ABHD3: variants seen among roughly 807,000 people sequenced by gnomAD.
ABHD3 encodes phospholipase ABHD3.
ABHD3 carries 46 observed loss-of-function variants against 48.8 expected under a neutral mutation model. The observed-to-expected ratio is 0.94, with a 90% CI of 0.74 to 1.20. ABHD3 has a LOEUF of 1.20. ABHD3 is among the 50% of genes most tolerant of loss of function. The pLI is 0.00. For synonymous variants in ABHD3, 192 were observed against 183.7 expected (o/e 1.04, Z -0.36); for missense variants, 490 against 497.8 (o/e 0.98, Z 0.15).
chr18:21,683,868 CTAGAA>C, intron 4 of ABHD3, 47 bp downstream of exon 4: 1 of 1,479,802 alleles, frequency 6.8e-7, no homozygotes. Flanking sequence ...TGTTATAAAA[CTAGAA>C]ATGATTCTTT....
chr18:21,704,774 T>G lies in ABHD3; in HGVS notation c.-109A>C. On this transcript the variant is annotated 5_prime_UTR_variant, in exon 1 of 9. Transcript: ENST00000289119. ...CGCCGCTGCCTACTCCCGACCACAG[T>G]GTCTCCTGCCTGGCGGAGCGCGGCT... The G allele has an allele frequency of 3.8e-6, 4 of 1,042,318 alleles. No homozygotes were observed. The highest frequency in any genetic ancestry group is 3.7e-6 in the Non-Finnish European group (3 of 810,054). 64.6% of individuals were successfully genotyped at this position (1,042,318 alleles called of 1,614,324 possible).
chr18:21,701,631 A>C (rs1169154210), intron 3 of ABHD3: 2 of 152,264 alleles, frequency 1.3e-5, no homozygotes, highest in African/African-American at 4.8e-5. Flanking sequence ...ATCAGCTAAA[A>C]AAAAAAGCTG....
intron 4 of ABHD3, among the ~76,000 whole-genome samples, chr18:21,667,591 C>T (rs886423587): frequency 2.6e-5 from 4 of 152,078 alleles, no homozygotes; most frequent in Admixed American, 2.0e-4. Flanking sequence ...CCCTAAAACA[C>T]AGCCTATTCC....
chr18:21,657,560 G>C (rs1181620105), intron 6 of ABHD3, among the ~76,000 whole-genome samples: 1 of 151,564 alleles, frequency 6.6e-6, no homozygotes, highest in Non-Finnish European at 1.5e-5. Flanking sequence ...ATGTCACCCA[G>C]GCTGGTCTCA....
At chr18:21,697,128 T>C (rs1598562182) in intron 3 of ABHD3, among the ~76,000 whole-genome samples, 2 of 148,628 alleles carry the variant, frequency 1.3e-5, no homozygotes, top group African/African-American at 2.5e-5. Context: ...CTGGCTGGAG[T>C]GCAGTGGTGC....
intron 4 of ABHD3, among the ~76,000 whole-genome samples, chr18:21,680,983 C>G (rs1715665531): frequency 6.6e-6 from 1 of 151,962 alleles, no homozygotes; most frequent in Non-Finnish European, 1.5e-5. Context: ...CCACCTGGGC[C>G]TCCCAAAGTG....
intron 4 of ABHD3, among the ~76,000 whole-genome samples, chr18:21,683,198 T>A (rs1334204373): frequency 6.6e-6 from 1 of 152,136 alleles, no homozygotes; most frequent in Non-Finnish European, 1.5e-5. Context: ...TGTAAAAAGT[T>A]AAAAAGCTGA....
chr18:21,663,999 A>T, intron 5 of ABHD3, 119 bp downstream of exon 5: 4 of 1,437,608 alleles, frequency 2.8e-6, no homozygotes, highest in Non-Finnish European at 3.6e-6. Context: ...AAAATATGAT[A>T]AACATAATCA....
At chr18:21,661,102 T>TAAAAAAAAAAAAAAAAAAAAAA (rs35710540) in intron 5 of ABHD3, among the ~76,000 whole-genome samples, 1 of 57,226 alleles carries the variant, frequency 1.7e-5, no homozygotes, top group Non-Finnish European at 3.2e-5. Context: ...AACTACAAGC[T>TAAAAAAAAAAAAAAAAAAAAAA]AAAAAAAAAA....
At chr18:21,675,471 G>A (rs1284148946) in intron 4 of ABHD3, among the ~76,000 whole-genome samples, 1 of 151,844 alleles carries the variant, frequency 6.6e-6, no homozygotes, top group Non-Finnish European at 1.5e-5. Context: ...GTTTCACTGT[G>A]TTAGCCAGAA....
intron 4 of ABHD3, among the ~76,000 whole-genome samples, chr18:21,678,298 T>C (rs775269525): frequency 6.6e-6 from 1 of 152,132 alleles, no homozygotes; most frequent in East Asian, 1.9e-4. Context: ...ATTTCAGGAA[T>C]TTCTGGGTCA....
intron 3 of ABHD3, among the ~76,000 whole-genome samples, chr18:21,685,131 G>A (rs961322122): frequency 9.9e-5 from 15 of 152,168 alleles, no homozygotes; most frequent in Non-Finnish European, 1.6e-4. Flanking sequence ...GTCTACACAG[G>A]TTCTCACTGA....
At chr18:21,701,166 C>A (rs370035460) in intron 3 of ABHD3, 22 of 151,432 alleles carry the variant, frequency 1.5e-4, no homozygotes, top group East Asian at 1.4e-3. Flanking sequence ...AGTTAGCTAT[C>A]ATGGAATTTT....
intron 3 of ABHD3, among the ~76,000 whole-genome samples, chr18:21,690,199 T>C (rs1286192623): frequency 1.3e-5 from 2 of 150,414 alleles, no homozygotes; most frequent in Non-Finnish European, 3.0e-5. Context: ...AAATCTGAAA[T>C]AAAAAATTCA....
At chr18:21,690,928 G>A (rs1370448114) in intron 3 of ABHD3, among the ~76,000 whole-genome samples, 2 of 149,816 alleles carry the variant, frequency 1.3e-5, no homozygotes, top group African/African-American at 4.9e-5. Flanking sequence ...CTGGGAGAAG[G>A]AGGTTGCAGT....
At chr18:21,701,226 T>C (rs1167488896) in intron 3 of ABHD3, 4 of 151,818 alleles carry the variant, frequency 2.6e-5, no homozygotes, top group South Asian at 2.1e-4. Flanking sequence ...TTTTTTTTTT[T>C]CTTTTTGCCC....
chr18:21,695,403 T>C (rs1305978161), intron 3 of ABHD3, among the ~76,000 whole-genome samples: 1 of 152,120 alleles, frequency 6.6e-6, no homozygotes, highest in Non-Finnish European at 1.5e-5. Flanking sequence ...GTGTGCACAA[T>C]TGCTGGGCTG....
intron 4 of ABHD3, among the ~76,000 whole-genome samples, chr18:21,679,383 T>C (rs1222492977): frequency 6.6e-6 from 1 of 152,240 alleles, no homozygotes; most frequent in Non-Finnish European, 1.5e-5. Context: ...AAGGTAATTA[T>C]GTCCATTTAG....
intron 3 of ABHD3, among the ~76,000 whole-genome samples, chr18:21,689,816 AGAG>A (rs1216616941): frequency 1.3e-5 from 2 of 152,160 alleles, no homozygotes; most frequent in Non-Finnish European, 2.9e-5. Context: ...AATTTACAAC[AGAG>A]GAGAGAGAGT....
Sources: gnomAD v4.1 joint callset for allele counts (sites outside exome capture counted in the v4.1 genomes callset) on GRCh38, gnomAD v4.1.1 for gene constraint, MANE v1.5 for transcripts, NCBI Gene and HGNC (gene_info 2026-07-23, HGNC 2026-07-21) for gene names.